Variants in NOS1AP observed in about 807,000 individuals in gnomAD.
The protein encoded by NOS1AP is nitric oxide synthase 1 adaptor protein, also known as carboxyl-terminal PDZ ligand of neuronal nitric oxide synthase protein.
A neutral mutation model predicts 56.2 loss-of-function variants in NOS1AP; 21 were observed. The observed-to-expected ratio is 0.37, with a 90% confidence interval of 0.26 to 0.54. NOS1AP has a LOEUF of 0.54. NOS1AP is among the 20% of genes least tolerant of loss of function. The probability of loss-of-function intolerance (pLI) is 0.84; values close to 1 mark genes in which losing one functional copy is unlikely to be tolerated. For synonymous variants in NOS1AP, 270 were observed against 274.6 expected (o/e 0.98, Z 0.17); for missense variants, 522 against 657.8 (o/e 0.79, Z 2.26).
In NOS1AP at chr1:162,081,774, A is replaced by ATATATATATATTTTTTTTTTTTTTT; in HGVS notation, c.105+11493_105+11494insATATATATATTTTTTTTTTTTTTTT. ...TCTATAGATATATATATATATATATATTTTTTTTTTGTAGAGATGGGTTTT... is the reference window on the plus strand; with the variant it reads ...TCTATAGATATATATATATATATATATATATATATATTTTTTTTTTTTTTTTTTTTTTTTTGTAGAGATGGGTTTT... On this transcript the variant is annotated intron_variant, in intron 1 of 9. Transcript: ENST00000361897. 2.5e-3 allele frequency among the ~76,000 whole-genome samples: 112 copies of ATATATATATATTTTTTTTTTTTTTT among 44,008 alleles called. 2 individuals are homozygous for ATATATATATATTTTTTTTTTTTTTT. Among genetic ancestry groups the ATATATATATATTTTTTTTTTTTTTT allele is most frequent in the Non-Finnish European group, 4.3e-3 (93 of 21,550 alleles). The allele number at this position is 44,008 out of a possible 152,430, so 28.9% of individuals were successfully genotyped here. A position where few individuals can be genotyped will look rare whatever the true frequency, so the allele number is the denominator to read the frequency against.
chr1:162,286,135 G>A (rs760336524), intron 2 of NOS1AP, among the ~76,000 whole-genome samples: 4 of 152,360 alleles, frequency 2.6e-5, no homozygotes, highest in Non-Finnish European at 4.4e-5. Context: ...GCACAGTGAA[G>A]AGAAGGTTCT....
At chr1:162,274,743 C>T (rs1428137606) in intron 2 of NOS1AP, among the ~76,000 whole-genome samples, 1 of 152,136 alleles carries the variant, frequency 6.6e-6, no homozygotes, top group African/African-American at 2.4e-5. Context: ...ATTTTTTAGC[C>T]TTGTTTCCTA....
chr1:162,110,595 G>A lies in NOS1AP; in HGVS notation c.105+40313G>A, dbSNP rs149243569. On this transcript the variant is annotated intron_variant, in intron 1 of 9. Coordinates refer to ENST00000361897, the MANE Select transcript of NOS1AP (RefSeq NM_014697.3). Reference sequence around the variant, plus strand: ...TTTCTTTTAGCAGAATTTGAAAATAGTAATGTAATATCTTTAGGTGATGCC... The same window carrying A: ...TTTCTTTTAGCAGAATTTGAAAATAATAATGTAATATCTTTAGGTGATGCC... Among the ~76,000 whole-genome samples, 300 of 152,170 alleles carry A rather than the reference G, an allele frequency of 2.0e-3. 2 individuals carry two copies. The highest frequency in any genetic ancestry group is 6.9e-3 in the African/African-American group (286 of 41,494).
intron 2 of NOS1AP, among the ~76,000 whole-genome samples, chr1:162,230,321 T>A (rs1653082910): frequency 6.6e-6 from 1 of 152,134 alleles, no homozygotes; most frequent in South Asian, 2.1e-4. Flanking sequence ...ACAAAAGCAC[T>A]AGAACCAGGA....
At chr1:162,330,369 T>C (rs755313783) in intron 4 of NOS1AP, among the ~76,000 whole-genome samples, 5 of 152,172 alleles carry the variant, frequency 3.3e-5, no homozygotes, top group Admixed American at 6.5e-5. Flanking sequence ...AAGGAGCACA[T>C]GTAAAAACAT....
At position 162,178,790 on chromosome 1, in the gene NOS1AP, C is replaced by T. The variant is rs554473625; in HGVS notation, c.177+24314C>T. Among the ~76,000 whole-genome samples the T allele has an allele frequency of 2.6e-5, 4 of 152,354 alleles. No individual in the cohort carries two copies. In the East Asian group the frequency reaches 7.7e-4, roughly 29 times the overall value. ...TCTTTCTCTGTGTGAAAGTTGTAGC[C>T]TTGCCTAGGTGCTCTTATACTTCCT... On this transcript the variant is annotated intron_variant, in intron 2 of 9. Coordinates refer to ENST00000361897, the MANE Select transcript of NOS1AP (RefSeq NM_014697.3).
chr1:162,284,194 A>G (rs1432872389), intron 2 of NOS1AP, among the ~76,000 whole-genome samples: 2 of 152,226 alleles, frequency 1.3e-5, no homozygotes, highest in Non-Finnish European at 2.9e-5. Context: ...GAACACAATA[A>G]CATGTTGTCC....
chr1:162,204,507 G>A (rs1034282161), intron 2 of NOS1AP, among the ~76,000 whole-genome samples: 8 of 152,296 alleles, frequency 5.3e-5, no homozygotes, highest in Admixed American at 5.2e-4. Flanking sequence ...TAAGTGCAGC[G>A]AATGGCCAGC....
At chr1:162,086,092 G>A (rs1311782683) in intron 1 of NOS1AP, among the ~76,000 whole-genome samples, 1 of 152,142 alleles carries the variant, frequency 6.6e-6, no homozygotes, top group African/African-American at 2.4e-5. Flanking sequence ...ATACTCATGG[G>A]TGCTGCTGCG....
intron 2 of NOS1AP, among the ~76,000 whole-genome samples, chr1:162,226,609 G>A (rs1326636418): frequency 6.6e-6 from 1 of 152,092 alleles, no homozygotes; most frequent in Admixed American, 6.5e-5. Context: ...TTTAATTTGG[G>A]GGCATCAGGA....
At chr1:162,286,720 A>G (rs992922663) in intron 2 of NOS1AP, among the ~76,000 whole-genome samples, 1 of 152,212 alleles carries the variant, frequency 6.6e-6, no homozygotes. Flanking sequence ...ATGTACAATT[A>G]TTTGTCAATT....
intron 1 of NOS1AP, among the ~76,000 whole-genome samples, chr1:162,118,769 C>G (rs1447288032): frequency 2.0e-5 from 3 of 151,950 alleles, no homozygotes; most frequent in Admixed American, 6.6e-5. Flanking sequence ...TACTGAATAC[C>G]CAGTATGCAC....
At chr1:162,354,585 G>GCTTCTGCTGTTGGTGAGAGGC (rs1023568389) in intron 6 of NOS1AP, among the ~76,000 whole-genome samples, 2 of 152,216 alleles carry the variant, frequency 1.3e-5, no homozygotes, top group African/African-American at 4.8e-5. Context: ...GCCACTTCCT[G>GCTTCTGCTGTTGGTGAGAGGC]CAGGCGTCTT....
Position 162,124,507 on chromosome 1 carries a change from G to GT in NOS1AP, c.106-29898_106-29897insT, listed in dbSNP as rs77245896. Among the ~76,000 whole-genome samples the GT allele has an allele frequency of 8.4e-3, 1,265 of 149,802 alleles. 7 individuals are homozygous for GT. Among genetic ancestry groups the GT allele is most frequent in the Middle Eastern group, 0.021 (6 of 286 alleles). ...TATTCCATGGTGTGTGTGTGTGTGT[G>GT]ACACACACACACACCGTATTTTCTT... On this transcript the variant is annotated intron_variant, in intron 1 of 9. Coordinates refer to ENST00000361897, the MANE Select transcript of NOS1AP (RefSeq NM_014697.3).
intron 7 of NOS1AP, 131 bp downstream of exon 7, chr1:162,355,484 T>A (rs1266481137): frequency 9.2e-7 from 1 of 1,082,862 alleles, no homozygotes; most frequent in Non-Finnish European, 1.4e-6. Flanking sequence ...CAGAGCGCAC[T>A]TCATTGCCTT....
rs1328923881 is a variant in NOS1AP, at chr1:162,369,280, GA to G, written c.*1816del. 2 of 152,186 alleles carry G rather than the reference GA, an allele frequency of 1.3e-5. No individual in the cohort carries two copies. Among genetic ancestry groups the G allele is most frequent in the African/African-American group, 4.8e-5 (2 of 41,436 alleles). 9.4% of individuals were successfully genotyped at this position (152,186 alleles called of 1,614,324 possible). On this transcript the variant is annotated 3_prime_UTR_variant, in exon 10 of 10. Coordinates refer to ENST00000361897, the MANE Select transcript of NOS1AP (RefSeq NM_014697.3). The stretch of plus-strand genomic sequence containing the variant: ...TTTGTTTTGATCTAATTTGCCATTG[GA>G]AATAGGTACAGTTACACAGAGAAGG...
chr1:162,365,517 G>A lies in NOS1AP; in HGVS notation c.1053G>A (p.Leu351=). Residue 351 remains leucine, a synonymous_variant, in exon 9 of 10, where the codon CTG becomes CTA. Coordinates refer to ENST00000361897, the MANE Select transcript of NOS1AP (RefSeq NM_014697.3). ...QNKDMLQHIS[L]LVKQVQELEL... is the part of the protein sequence containing the mutation. ...AGGACATGCTCCAGCACATCTCCCT[G>A]CTGGTCAAGCAGGTGCAAGAGCTGG... 3.7e-6 allele frequency: 6 copies of A among 1,613,608 alleles called. No individual in the cohort carries two copies. The highest frequency in any genetic ancestry group is 5.1e-6 in the Non-Finnish European group (6 of 1,180,036).
At chr1:162,354,120 C>T (rs1480328414) in intron 6 of NOS1AP, among the ~76,000 whole-genome samples, 2 of 152,170 alleles carry the variant, frequency 1.3e-5, no homozygotes, top group Non-Finnish European at 2.9e-5. Flanking sequence ...CTTCTTAGAA[C>T]AATTTGTTCT....
intron 1 of NOS1AP, among the ~76,000 whole-genome samples, chr1:162,094,876 C>G (rs1197123882): frequency 6.6e-6 from 1 of 152,198 alleles, no homozygotes; most frequent in Non-Finnish European, 1.5e-5. Flanking sequence ...CAGCACCAGG[C>G]AGCCACATGT....
Sources: allele counts gnomAD v4.1 joint callset (sites outside exome capture counted in the v4.1 genomes callset), GRCh38; gene constraint gnomAD v4.1.1; transcripts MANE v1.5; gene names NCBI Gene and HGNC (gene_info 2026-07-23, HGNC 2026-07-21).